Variants in ARHGAP24 observed in about 807,000 individuals in gnomAD.
The protein encoded by ARHGAP24 is Rho GTPase activating protein 24, also known as rho GTPase-activating protein 24.
A neutral mutation model predicts 76.4 loss-of-function variants in ARHGAP24; 50 were observed. The ratio of observed to expected loss-of-function variants is 0.65; its 90% CI spans 0.52 to 0.83. The LOEUF (loss-of-function observed/expected upper bound fraction) is 0.83, where lower values mean the gene tolerates loss of function less well. Ranked by LOEUF, ARHGAP24 falls within the 40% of genes least tolerant of loss-of-function variation. The pLI, the probability that ARHGAP24 is intolerant of heterozygous loss-of-function variation, is 0.00. For missense variants in ARHGAP24, 930 were observed against 914.2 expected (o/e 1.02, Z -0.22); for synonymous variants, 345 against 323.3 (o/e 1.07, Z -0.72).
intron 1 of ARHGAP24, among the ~76,000 whole-genome samples, chr4:85,491,534 A>G (rs767070537): frequency 2.6e-5 from 4 of 151,190 alleles, no homozygotes; most frequent in Non-Finnish European, 5.9e-5. Context: ...GGGTCTGTTT[A>G]ACACACACAC....
At chr4:85,725,550 C>T (rs1725137622) in intron 3 of ARHGAP24, among the ~76,000 whole-genome samples, 3 of 152,338 alleles carry the variant, frequency 2.0e-5, no homozygotes, top group South Asian at 4.1e-4. Flanking sequence ...TAGAGATCTT[C>T]CTACACAGAT....
At chr4:85,575,399 T>A (rs145015229) in intron 2 of ARHGAP24, among the ~76,000 whole-genome samples, 1 of 152,352 alleles carries the variant, frequency 6.6e-6, no homozygotes, top group East Asian at 1.9e-4. Flanking sequence ...TTAAGTAATA[T>A]CTTTTGTATT....
chr4:85,577,895 T>C lies in ARHGAP24; in HGVS notation c.180+7174T>C, dbSNP rs17010491. ...TTTGTAAGTTGTTAGAAATTGATAATGGTCAAGTATTCCCATACCTAAGAA... is the reference window on the plus strand; with the variant it reads ...TTTGTAAGTTGTTAGAAATTGATAACGGTCAAGTATTCCCATACCTAAGAA... On this transcript the variant is annotated intron_variant, in intron 2 of 9. Transcript: ENST00000395184. Among the ~76,000 whole-genome samples, 442 of 152,246 alleles carry C rather than the reference T, an allele frequency of 2.9e-3. 3 individuals are homozygous for C. Among genetic ancestry groups the C allele is most frequent in the Middle Eastern group, 6.8e-3 (2 of 294 alleles).
intron 3 of ARHGAP24, among the ~76,000 whole-genome samples, chr4:85,917,381 A>G (rs965666130): frequency 6.6e-6 from 1 of 151,968 alleles, no homozygotes; most frequent in Non-Finnish European, 1.5e-5. Flanking sequence ...ATACGTGTGC[A>G]TGTGTCTTTA....
chr4:85,947,674 C>T (rs1275130195), intron 5 of ARHGAP24, among the ~76,000 whole-genome samples: 2 of 152,132 alleles, frequency 1.3e-5, no homozygotes, highest in Non-Finnish European at 2.9e-5. Context: ...ATTTCAGGAG[C>T]ATTCATGCAG....
chr4:85,520,995 G>C (rs567776367), intron 1 of ARHGAP24, among the ~76,000 whole-genome samples: 7 of 152,214 alleles, frequency 4.6e-5, no homozygotes, highest in Non-Finnish European at 8.8e-5. Flanking sequence ...CAAATTTATA[G>C]TTTAGAAGTT....
chr4:85,668,023 A>G (rs554674385), intron 2 of ARHGAP24, among the ~76,000 whole-genome samples: 67 of 152,286 alleles, frequency 4.4e-4, no homozygotes, highest in African/African-American at 1.6e-3. Flanking sequence ...AGTCTTGTAA[A>G]TGTAGAAAAG....
intron 2 of ARHGAP24, among the ~76,000 whole-genome samples, chr4:85,696,260 T>C (rs928996708): frequency 1.4e-4 from 22 of 152,160 alleles, no homozygotes; most frequent in Non-Finnish European, 2.5e-4. Context: ...CCAACAGCTT[T>C]TATTTTTATT....
chr4:85,550,765 C>T (rs542071906), intron 1 of ARHGAP24, among the ~76,000 whole-genome samples: 1 of 152,170 alleles, frequency 6.6e-6, no homozygotes, highest in East Asian at 1.9e-4. Flanking sequence ...GATCTTTCAC[C>T]TCCCTGGTTA....
chr4:85,571,713 A>G (rs139093681), intron 2 of ARHGAP24, among the ~76,000 whole-genome samples: 1 of 152,026 alleles, frequency 6.6e-6, no homozygotes, highest in African/African-American at 2.4e-5. Flanking sequence ...TTTTTTTTGA[A>G]ATTGCTACTA....
chr4:85,932,217 T>G (rs1736373996), intron 4 of ARHGAP24, among the ~76,000 whole-genome samples: 1 of 152,146 alleles, frequency 6.6e-6, no homozygotes, highest in Admixed American at 6.5e-5. Context: ...CTATAGGGAT[T>G]TTCTGAATAC....
intron 3 of ARHGAP24, among the ~76,000 whole-genome samples, chr4:85,869,738 A>T (rs1431192478): frequency 6.6e-6 from 1 of 152,192 alleles, no homozygotes; most frequent in East Asian, 1.9e-4. Context: ...GGCACTGATT[A>T]TATTGAACAT....
At chr4:85,854,086 G>A (rs923134060) in intron 3 of ARHGAP24, among the ~76,000 whole-genome samples, 16 of 133,472 alleles carry the variant, frequency 1.2e-4, no homozygotes, top group African/African-American at 3.6e-4. Context: ...AATGAGCCAA[G>A]ACCACACCAT....
chr4:85,733,372 C>T (rs979337034), intron 3 of ARHGAP24, among the ~76,000 whole-genome samples: 1 of 152,078 alleles, frequency 6.6e-6, no homozygotes, highest in Non-Finnish European at 1.5e-5. Context: ...CCAGGCCTCA[C>T]CAACTTGGTA....
At position 85,855,776 on chromosome 4, in the gene ARHGAP24, A is replaced by AC. The variant is rs556426724; in HGVS notation, c.269-67872_269-67871insC. ...CTGGGCAATAAAAGCAAAAAAGAAA[A>AC]AAAAAAAAAAGAATCTGACACTCCC... On this transcript the variant is annotated intron_variant, in intron 3 of 9. Transcript: ENST00000395184. 1.4e-3 allele frequency among the ~76,000 whole-genome samples: 217 copies of AC among 151,376 alleles called. 2 individuals carry two copies. The highest frequency in any genetic ancestry group is 5.6e-3 in the Admixed American group (85 of 15,188).
Position 85,590,184 on chromosome 4 carries a change from GCCTGCCTGCCTTCCTT to G in ARHGAP24, c.180+19467_180+19482del, listed in dbSNP as rs1306271019. On this transcript the variant is annotated intron_variant, in intron 2 of 9. Coordinates refer to ENST00000395184, the MANE Select transcript of ARHGAP24 (RefSeq NM_001025616.3). ...TTTCTGCCTGCCTGCCTGCCTGCCT[GCCTGCCTGCCTTCCTT>G]CCTTCCTTCCTTCCTTCCTTCCTTC... 5.9e-3 allele frequency among the ~76,000 whole-genome samples: 640 copies of G among 108,076 alleles called. 8 individuals carry two copies. The highest frequency in any genetic ancestry group is 0.02 in the African/African-American group (612 of 30,960). The allele number at this position is 108,076 out of a possible 152,430, so 70.9% of individuals were successfully genotyped here. A position where few individuals can be genotyped will look rare whatever the true frequency, so the allele number is the denominator to read the frequency against.
At chr4:85,978,195 A>G (rs993308866) in intron 8 of ARHGAP24, among the ~76,000 whole-genome samples, 6 of 152,210 alleles carry the variant, frequency 3.9e-5, no homozygotes, top group Non-Finnish European at 7.4e-5. Context: ...AATGAACTGT[A>G]CTTTGTGTTT....
chr4:85,993,426 ATAT>A, intron 8 of ARHGAP24, among the ~76,000 whole-genome samples: 2 of 152,304 alleles, frequency 1.3e-5, no homozygotes, highest in East Asian at 3.9e-4. Context: ...GCAGTCGAAA[ATAT>A]TATAAGTTTT....
chr4:85,861,903 C>G (rs1731923585), intron 3 of ARHGAP24, among the ~76,000 whole-genome samples: 1 of 152,096 alleles, frequency 6.6e-6, no homozygotes, highest in South Asian at 2.1e-4. Flanking sequence ...CACATCTTTA[C>G]TCAGTTGCCC....
Sources: gnomAD v4.1 joint callset for allele counts (sites outside exome capture counted in the v4.1 genomes callset) on GRCh38, gnomAD v4.1.1 for gene constraint, MANE v1.5 for transcripts, NCBI Gene and HGNC (gene_info 2026-07-23, HGNC 2026-07-21) for gene names.